The following LRBA variants were observed in gnomAD, a reference collection of about 807,000 sequenced individuals.
LRBA encodes the protein lipopolysaccharide-responsive and beige-like anchor protein.
A neutral mutation model predicts 330.0 loss-of-function variants in LRBA; 176 were observed. That is an observed-to-expected ratio of 0.53 (90% CI 0.47 to 0.60). LRBA has a LOEUF of 0.60. LRBA is among the 20% of genes least tolerant of loss of function. The probability of loss-of-function intolerance (pLI) is 0.00; values close to 1 mark genes in which losing one functional copy is unlikely to be tolerated. For synonymous variants in LRBA, 1,230 were observed against 1,193.0 expected, an observed-to-expected ratio of 1.03 and a Z score of -0.64; for missense variants, 3,259 against 3,444.8, an observed-to-expected ratio of 0.95 and a Z score of 1.35.
chr4:150,306,150 T>C (rs944445322), intron 52 of LRBA, among the ~76,000 whole-genome samples: 1 of 152,180 alleles, frequency 6.6e-6, no homozygotes, highest in African/African-American at 2.4e-5. Flanking sequence ...TAATTCCGAC[T>C]GCCAGGGGAA....
At chr4:150,979,623 G>GTAGAGCTTTTAT (rs1306465296) in intron 2 of LRBA, among the ~76,000 whole-genome samples, 2 of 152,182 alleles carry the variant, frequency 1.3e-5, no homozygotes, top group Admixed American at 6.5e-5. Flanking sequence ...AAGGTAAAGT[G>GTAGAGCTTTTAT]TAGAGCTTTT....
chr4:150,809,876 ATACGATACGATACG>A (rs1353068925), intron 31 of LRBA, among the ~76,000 whole-genome samples: 3 of 129,294 alleles, frequency 2.3e-5, no homozygotes, highest in Admixed American at 1.5e-4. Context: ...ATACGATACG[ATACGATACGATACG>A]ATACGATACG....
At chr4:150,503,180 C>G (rs1464080932) in intron 40 of LRBA, among the ~76,000 whole-genome samples, 1 of 152,236 alleles carries the variant, frequency 6.6e-6, no homozygotes, top group East Asian at 1.9e-4. Context: ...TTAAATGTCC[C>G]TGTCTGACAG....
At chr4:150,898,592 T>C (rs902624969) in intron 14 of LRBA, among the ~76,000 whole-genome samples, 1 of 151,802 alleles carries the variant, frequency 6.6e-6, no homozygotes, top group African/African-American at 2.4e-5. Context: ...TTTGAACAGA[T>C]CAATGAAAAT....
intron 37 of LRBA, among the ~76,000 whole-genome samples, chr4:150,601,293 G>A (rs974016131): frequency 2.6e-5 from 4 of 151,738 alleles, no homozygotes; most frequent in Admixed American, 6.6e-5. Context: ...ATGTTAAGCT[G>A]CTATGATAAA....
chr4:150,598,951 T>G (rs1054879067), intron 38 of LRBA, 56 bp downstream of exon 38: 84 of 1,595,662 alleles, frequency 5.3e-5, no homozygotes, highest in Non-Finnish European at 6.7e-5. Context: ...AGTTATGCTC[T>G]TCATTACCAA....
chr4:150,811,529 G>T (rs1010277508), intron 31 of LRBA, among the ~76,000 whole-genome samples: 2 of 152,068 alleles, frequency 1.3e-5, no homozygotes, highest in African/African-American at 4.8e-5. Context: ...AAGAGACGAG[G>T]TCTTGCTCTA....
At chr4:150,598,974 C>T (rs546074135) in intron 38 of LRBA, 33 bp downstream of exon 38, 7 of 1,612,238 alleles carry the variant, frequency 4.3e-6, no homozygotes, top group Non-Finnish European at 5.9e-6. Context: ...CCTGTACCTG[C>T]TGCTATTGGC....
chr4:150,708,794 A>G (rs1182195899), intron 36 of LRBA, among the ~76,000 whole-genome samples: 1 of 151,894 alleles, frequency 6.6e-6, no homozygotes, highest in African/African-American at 2.4e-5. Context: ...TAAAAAGGCT[A>G]TATAATAGAG....
rs1372930082 is a variant in LRBA, at chr4:150,849,577, TG to T, written c.4005-3del. ...TCCATAACTGTCTTTGTTGAATGGC[TG>T]TCCAAAGATAAATGATATTTACTGA... On this transcript the variant is annotated splice_region_variant and splice_polypyrimidine_tract_variant and intron_variant, in intron 24 of 56. Coordinates refer to ENST00000651943, the MANE Select transcript of LRBA (RefSeq NM_001364905.1). 6.2e-7 allele frequency: 1 copy of T among 1,609,094 alleles called. No individual in the cohort carries two copies. The highest frequency in any genetic ancestry group is 1.3e-5 in the African/African-American group (1 of 74,960).
At chr4:150,682,989 G>C (rs1051540533) in intron 37 of LRBA, among the ~76,000 whole-genome samples, 19 of 152,014 alleles carry the variant, frequency 1.2e-4, no homozygotes, top group African/African-American at 4.1e-4. Flanking sequence ...GTCCAGTTTG[G>C]CTATCTTAAA....
rs996812036 is a variant in LRBA, at chr4:150,852,184, C to T, written c.3526G>A (p.Asp1176Asn). 15 of 1,614,030 alleles carry T rather than the reference C, an allele frequency of 9.3e-6. No homozygotes were observed. The African/African-American group carries it at 1.9e-4, about 20-fold the overall frequency. ...GCTGTCATAGTCTGAATTCCAGAAT[C>T]TTTAGAATCTTGAGTTTCAGTATCA... ...QTDTETQDSK[D>N]SGIQTMTASG... Residue 1176 changes from aspartate (D) to asparagine (N), a missense_variant, in exon 23 of 57, where the codon GAT (aspartate) becomes AAT (asparagine). Physicochemically the swap from Asp to Asn is conservative, Grantham distance 23. Transcript: ENST00000651943.
chr4:151,008,599 A>T (rs1404154840), intron 2 of LRBA, among the ~76,000 whole-genome samples: 1 of 151,998 alleles, frequency 6.6e-6, no homozygotes, highest in Non-Finnish European at 1.5e-5. Flanking sequence ...GTTGAAAAAA[A>T]AAATCACCAT....
chr4:150,395,874 A>T (rs1313064758), intron 47 of LRBA, among the ~76,000 whole-genome samples: 1 of 152,220 alleles, frequency 6.6e-6, no homozygotes, highest in Non-Finnish European at 1.5e-5. Flanking sequence ...TTAGTAAATA[A>T]ACCAACAATC....
intron 43 of LRBA, 89 bp from the exon 44 acceptor site, chr4:150,467,874 A>G (rs1046715211): frequency 2.8e-5 from 16 of 569,612 alleles, no homozygotes; most frequent in Non-Finnish European, 4.6e-5. Context: ...ATAAGATTAA[A>G]CAATTTTTGA....
chr4:150,914,141 C>A, intron 9 of LRBA, 54 bp downstream of exon 9: 1 of 1,456,058 alleles, frequency 6.9e-7, no homozygotes, highest in South Asian at 1.6e-5. Flanking sequence ...TATAACCCAC[C>A]TTCAAATCAA....
Position 150,908,251 on chromosome 4 carries a change from C to A in LRBA, c.1493+83G>T, listed in dbSNP as rs560633805. On this transcript the variant is annotated intron_variant, in intron 11 of 56. Coordinates refer to ENST00000651943, the MANE Select transcript of LRBA (RefSeq NM_001364905.1). Reference sequence around the variant, plus strand: ...TTTAAATTATTTTGACACAACAAAACCTGAAAGGCAAAATATTGTATAGCT... The same window carrying A: ...TTTAAATTATTTTGACACAACAAAAACTGAAAGGCAAAATATTGTATAGCT... 5.3e-5 allele frequency: 75 copies of A among 1,402,920 alleles called. No homozygotes were observed. In the African/African-American group the frequency reaches 9.3e-4, roughly 17 times the overall value. 86.9% of individuals were successfully genotyped at this position (1,402,920 alleles called of 1,614,324 possible).
intron 40 of LRBA, among the ~76,000 whole-genome samples, chr4:150,565,657 G>A (rs925437410): frequency 2.6e-5 from 4 of 151,906 alleles, no homozygotes; most frequent in African/African-American, 9.7e-5. Context: ...CAATTTCCAT[G>A]GCAAAGTACA....
intron 37 of LRBA, among the ~76,000 whole-genome samples, chr4:150,667,333 A>G (rs543243641): frequency 6.6e-6 from 1 of 152,216 alleles, no homozygotes; most frequent in South Asian, 2.1e-4. Context: ...AAGAGGGAGG[A>G]AGGAAGGTTA....
Sources: gnomAD v4.1 joint callset for allele counts (sites outside exome capture counted in the v4.1 genomes callset) on GRCh38, gnomAD v4.1.1 for gene constraint, MANE v1.5 for transcripts, NCBI Gene and HGNC (gene_info 2026-07-23, HGNC 2026-07-21) for gene names.